The following FHIT variants were observed in gnomAD, a reference collection of about 807,000 sequenced individuals.
FHIT encodes the protein bis(5'-adenosyl)-triphosphatase.
In FHIT, 19 loss-of-function variants were observed where a neutral mutation model predicts 17.9. The observed-to-expected ratio is 1.06, with a 90% CI of 0.74 to 1.56. The LOEUF (loss-of-function observed/expected upper bound fraction) is 1.56, where lower values mean the gene tolerates loss of function less well. Among genes scored for constraint, FHIT ranks in the 40% most tolerant of loss-of-function variants. The pLI is 0.00. For synonymous variants in FHIT, 81 were observed against 69.7 expected (o/e 1.16, Z -0.81); for missense variants, 248 against 189.2 (o/e 1.31, Z -1.82).
chr3:60,631,634 C>T (rs2107773656), intron 4 of FHIT, among the ~76,000 whole-genome samples: 1 of 152,264 alleles, frequency 6.6e-6, no homozygotes, highest in African/African-American at 2.4e-5. Context: ...TCTTTCATCT[C>T]CGGAGGCACT....
At chr3:61,179,886 T>C (rs915595731) in intron 2 of FHIT, among the ~76,000 whole-genome samples, 7 of 152,090 alleles carry the variant, frequency 4.6e-5, no homozygotes, top group Non-Finnish European at 8.8e-5. Context: ...GCTGGTTCCT[T>C]AGGCATGATG....
chr3:60,352,613 G>A (rs929432812), intron 5 of FHIT, among the ~76,000 whole-genome samples: 11 of 151,960 alleles, frequency 7.2e-5, no homozygotes, highest in Non-Finnish European at 8.8e-5. Flanking sequence ...GTGATCCTCC[G>A]GCCTCAGGCT....
At chr3:60,195,987 T>C (rs1264358777) in intron 5 of FHIT, among the ~76,000 whole-genome samples, 2 of 152,064 alleles carry the variant, frequency 1.3e-5, no homozygotes, top group Non-Finnish European at 2.9e-5. Flanking sequence ...ATACAATTCA[T>C]CACATAACCA....
At chr3:61,093,729 C>T (rs1202448369) in intron 2 of FHIT, among the ~76,000 whole-genome samples, 1 of 152,122 alleles carries the variant, frequency 6.6e-6, no homozygotes, top group South Asian at 2.1e-4. Flanking sequence ...CATCACCTAC[C>T]TCAAAAAGTT....
At chr3:60,675,203 A>G (rs2107850149) in intron 4 of FHIT, among the ~76,000 whole-genome samples, 1 of 152,358 alleles carries the variant, frequency 6.6e-6, no homozygotes. Context: ...AATGAGGTCA[A>G]GAATGATACC....
intron 3 of FHIT, among the ~76,000 whole-genome samples, chr3:61,024,271 T>C (rs2032615970): frequency 6.6e-6 from 1 of 152,134 alleles, no homozygotes; most frequent in Non-Finnish European, 1.5e-5. Context: ...CTAAAGAAAT[T>C]ATAATACTAA....
intron 8 of FHIT, among the ~76,000 whole-genome samples, chr3:59,792,210 A>G (rs963900426): frequency 6.6e-6 from 1 of 152,212 alleles, no homozygotes; most frequent in Non-Finnish European, 1.5e-5. Flanking sequence ...TTTGGGCCTC[A>G]GAACAGGTAT....
At chr3:60,005,236 T>G (rs954599932) in intron 7 of FHIT, among the ~76,000 whole-genome samples, 1 of 152,228 alleles carries the variant, frequency 6.6e-6, no homozygotes, top group Non-Finnish European at 1.5e-5. Context: ...ACTAGGGAGC[T>G]TGGTTAATTT....
intron 4 of FHIT, among the ~76,000 whole-genome samples, chr3:60,662,161 G>A (rs186572056): frequency 1.3e-5 from 2 of 152,256 alleles, no homozygotes; most frequent in Admixed American, 1.3e-4. Flanking sequence ...TCTAGAAATT[G>A]TATGGTTTCA....
intron 3 of FHIT, among the ~76,000 whole-genome samples, chr3:60,910,270 A>G (rs1415677030): frequency 1.3e-5 from 2 of 152,156 alleles, no homozygotes; most frequent in South Asian, 4.1e-4. Flanking sequence ...CTGCTTAGAG[A>G]TATTTCTTCC....
intron 1 of FHIT, among the ~76,000 whole-genome samples, chr3:61,207,617 C>A (rs886442226): frequency 5.3e-5 from 8 of 152,086 alleles, no homozygotes; most frequent in Non-Finnish European, 8.8e-5. Flanking sequence ...AGAGGTGTTC[C>A]TAGTATTCTC....
intron 5 of FHIT, among the ~76,000 whole-genome samples, chr3:60,405,780 T>C (rs1352786648): frequency 6.6e-6 from 1 of 152,230 alleles, no homozygotes; most frequent in Non-Finnish European, 1.5e-5. Context: ...GGGCAGGGAT[T>C]GTGCTAAGCA....
chr3:61,038,900 C>T (rs1408777717), intron 3 of FHIT, among the ~76,000 whole-genome samples: 4 of 152,066 alleles, frequency 2.6e-5, no homozygotes, highest in African/African-American at 9.7e-5. Context: ...ACCAAATAAC[C>T]ACATTAAACC....
rs1222489238 is a variant in FHIT, at chr3:59,961,791, A to G, written c.280-39377T>C. Among the ~76,000 whole-genome samples, 10 of 152,128 alleles carry G rather than the reference A, an allele frequency of 6.6e-5. No homozygotes were observed. In the East Asian group the frequency reaches 1.9e-3, roughly 29 times the overall value. ...AGATGAGCCAGGTACCTCAGTTGGA[A>G]ATGCAGAAAGCACCTGCCTTCTGCA... On this transcript the variant is annotated intron_variant, in intron 7 of 9. Coordinates refer to ENST00000492590, the MANE Select transcript of FHIT (RefSeq NM_002012.4).
chr3:61,047,133 C>T (rs886338643), intron 2 of FHIT, among the ~76,000 whole-genome samples: 2 of 152,072 alleles, frequency 1.3e-5, no homozygotes, highest in Non-Finnish European at 2.9e-5. Flanking sequence ...CTGGCCAGGG[C>T]AATCAGACAA....
At chr3:60,194,962 T>C (rs1702558795) in intron 5 of FHIT, among the ~76,000 whole-genome samples, 1 of 152,072 alleles carries the variant, frequency 6.6e-6, no homozygotes, top group African/African-American at 2.4e-5. Flanking sequence ...AGTCAGGAGT[T>C]CTAGACCAGC....
At chr3:60,331,878 A>T (rs765721995) in intron 5 of FHIT, among the ~76,000 whole-genome samples, 7 of 151,752 alleles carry the variant, frequency 4.6e-5, no homozygotes, top group Non-Finnish European at 8.8e-5. Flanking sequence ...AAAGAAAAGA[A>T]ATATACTCTA....
chr3:59,785,950 C>A (rs554039111), intron 8 of FHIT, among the ~76,000 whole-genome samples: 1 of 152,166 alleles, frequency 6.6e-6, no homozygotes, highest in Non-Finnish European at 1.5e-5. Flanking sequence ...TTCAACACCC[C>A]GCTTAGAGGA....
At chr3:60,469,579 G>A (rs2032976678) in intron 5 of FHIT, among the ~76,000 whole-genome samples, 1 of 152,056 alleles carries the variant, frequency 6.6e-6, no homozygotes, top group Non-Finnish European at 1.5e-5. Flanking sequence ...ATTCCACTGA[G>A]CTTCTTCAAA....
Sources: allele counts gnomAD v4.1 joint callset (sites outside exome capture counted in the v4.1 genomes callset), GRCh38; gene constraint gnomAD v4.1.1; transcripts MANE v1.5; gene names NCBI Gene and HGNC (gene_info 2026-07-23, HGNC 2026-07-21).